TXN2: variants seen among roughly 807,000 people sequenced by gnomAD.
TXN2 encodes the protein thioredoxin, mitochondrial.
TXN2 carries 12 observed loss-of-function variants against 14.6 expected under a neutral mutation model. The observed-to-expected ratio is 0.82, with a 90% CI of 0.53 to 1.33. The LOEUF (loss-of-function observed/expected upper bound fraction) is 1.33, where lower values mean the gene tolerates loss of function less well. Among genes scored for constraint, TXN2 ranks in the 40% most tolerant of loss-of-function variants. TXN2 has a pLI of 0.00. For missense variants in TXN2, 173 were observed against 207.7 expected (o/e 0.83, Z 1.03); for synonymous variants, 89 against 81.0 (o/e 1.10, Z -0.53).
chr22:36,475,116 G>A (rs1231551769), intron 3 of TXN2, among the ~76,000 whole-genome samples: 1 of 152,246 alleles, frequency 6.6e-6, no homozygotes, highest in Admixed American at 6.5e-5. Flanking sequence ...GGTGGCTTAC[G>A]CCTGTAATCC....
rs748661794 is a variant in TXN2, at chr22:36,476,807, C to A, written c.313G>T (p.Ala105Ser). Residue 105 changes from alanine (A) to serine (S), a missense_variant, in exon 3 of 4, where the codon GCC (alanine) becomes TCC (serine). Physicochemically the swap from Ala to Ser is moderately conservative, Grantham distance 99. Coordinates refer to ENST00000216185, the MANE Select transcript of TXN2 (RefSeq NM_012473.4). ...ATCACCACCTTCCCGTGCTGCTTGG[C>A]CACCATCTTCTCTAACCTCGGCCCC... ...ILGPRLEKMV[A>S]KQHGKVVMAK... The A allele has an allele frequency of 6.2e-7, 1 of 1,614,174 alleles. No individual in the cohort carries two copies. Among genetic ancestry groups the A allele is most frequent in the Admixed American group, 1.7e-5 (1 of 60,014 alleles).
At chr22:36,469,041 C>CATAA (rs569570066) in intron 3 of TXN2, among the ~76,000 whole-genome samples, 10,762 of 146,398 alleles carry the variant, frequency 0.074, 421 homozygotes, top group Middle Eastern at 0.12. Flanking sequence ...GACTCCATCT[C>CATAA]ATAAATAAAT....
intron 3 of TXN2, among the ~76,000 whole-genome samples, chr22:36,474,559 T>A (rs1933348710): frequency 6.6e-6 from 1 of 152,000 alleles, no homozygotes; most frequent in Non-Finnish European, 1.5e-5. Context: ...GAGGGAGGGG[T>A]GAAGGCTCAC....
intron 3 of TXN2, among the ~76,000 whole-genome samples, chr22:36,475,135 T>C (rs979094730): frequency 1.3e-5 from 2 of 152,216 alleles, no homozygotes; most frequent in African/African-American, 4.8e-5. Flanking sequence ...CCCAGCACTT[T>C]GGGAGGCCAA....
chr22:36,479,879 T>G (rs1308713886), intron 2 of TXN2, among the ~76,000 whole-genome samples: 2 of 149,734 alleles, frequency 1.3e-5, no homozygotes, highest in Non-Finnish European at 2.9e-5. Flanking sequence ...GTGACACCGA[T>G]AACTTTTTTT....
At chr22:36,471,652 A>G (rs1933277125) in intron 3 of TXN2, among the ~76,000 whole-genome samples, 1 of 152,186 alleles carries the variant, frequency 6.6e-6, no homozygotes, top group Admixed American at 6.5e-5. Context: ...CTGAGGCTCA[A>G]AGGGTGAGCA....
In TXN2 at chr22:36,480,605, T is replaced by G; in HGVS notation, c.233A>C (p.Glu78Ala). ...PDFQDRVVNS[E>A]TPVVVDFHAQ... Reference sequence around the variant, plus strand: ...GTGGAAATCCACAACCACTGGTGTCTCACTGTTGACCACTCGGTCTTGAAA... The same window carrying G: ...GTGGAAATCCACAACCACTGGTGTCGCACTGTTGACCACTCGGTCTTGAAA... The change falls in exon 2 of 4, where the codon GAG becomes GCG. Residue 78 changes from glutamate to alanine, a missense_variant. Physicochemically the swap from Glu to Ala is moderately radical, Grantham distance 107. Coordinates refer to ENST00000216185, the MANE Select transcript of TXN2 (RefSeq NM_012473.4). The G allele has an allele frequency of 6.2e-7, 1 of 1,614,046 alleles. No homozygotes were observed. The highest frequency in any genetic ancestry group is 8.5e-7 in the Non-Finnish European group (1 of 1,180,018).
Position 36,476,723 on chromosome 22 carries a change from C to A in TXN2, c.387+10G>T, listed in dbSNP as rs1186019795. 3 of 1,614,106 alleles carry A rather than the reference C, an allele frequency of 1.9e-6. No homozygotes were observed. Among genetic ancestry groups the A allele is most frequent in the Non-Finnish European group, 2.5e-6 (3 of 1,180,004 alleles). On this transcript the variant is annotated intron_variant, in intron 3 of 3. Transcript: ENST00000216185. ...TGGCTTCCCTGTGGCAACTCCCTGT[C>A]AATCCATACCTCATACTCAATGGCG...
Position 36,480,580 on chromosome 22 carries a change from G to A in TXN2, c.258C>T (p.His86=), listed in dbSNP as rs570428102. 52 of 1,613,314 alleles carry A rather than the reference G, an allele frequency of 3.2e-5. No homozygotes were observed. The African/African-American group carries it at 3.3e-4, about 10-fold the overall frequency. ...TGTGGACCCCCAATACTCACTGTGC[G>A]TGGAAATCCACAACCACTGGTGTCT... is the stretch of plus-strand genomic sequence containing the variant. ...NSETPVVVDF[H]AQWCGPCKIL... is the part of the protein sequence containing the mutation. Residue 86 remains histidine (H), a synonymous_variant, in exon 2 of 4, where the codon CAC becomes CAT. Transcript: ENST00000216185.
chr22:36,474,144 T>C (rs1047876419), intron 3 of TXN2, among the ~76,000 whole-genome samples: 5 of 152,222 alleles, frequency 3.3e-5, no homozygotes, highest in African/African-American at 9.6e-5. Flanking sequence ...AATGGGCAGA[T>C]AGATGCCTCC....
intron 2 of TXN2, among the ~76,000 whole-genome samples, chr22:36,478,918 G>C (rs545527500): frequency 1.1e-4 from 16 of 152,168 alleles, no homozygotes; most frequent in African/African-American, 3.9e-4. Flanking sequence ...AACCACTGCA[G>C]TCCAGCCTGG....
intron 3 of TXN2, among the ~76,000 whole-genome samples, chr22:36,475,640 T>A (rs1933371395): frequency 6.6e-6 from 1 of 152,206 alleles, no homozygotes; most frequent in Non-Finnish European, 1.5e-5. Context: ...ATGCTTCCAA[T>A]ACCAACCAGT....
rs935733800 is a variant in TXN2, at chr22:36,467,602, C to T, written c.*202G>A. On this transcript the variant is annotated 3_prime_UTR_variant, in exon 4 of 4. Transcript: ENST00000216185. Reference sequence around the variant, plus strand: ...GCGTATGGGAGGGAAGACAGCGGTCCCCGGATCAGCAGCAGCACCACCATC... The same window carrying T: ...GCGTATGGGAGGGAAGACAGCGGTCTCCGGATCAGCAGCAGCACCACCATC... 21 of 570,122 alleles carry T rather than the reference C, an allele frequency of 3.7e-5. No individual in the cohort carries two copies. The highest frequency in any genetic ancestry group is 3.6e-4 in the African/African-American group (19 of 53,216). 35.3% of individuals were successfully genotyped at this position (570,122 alleles called of 1,614,324 possible). A position where few individuals can be genotyped will look rare whatever the true frequency, so the allele number is the denominator to read the frequency against.
chr22:36,471,939 C>T (rs1256815993), intron 3 of TXN2, among the ~76,000 whole-genome samples: 2 of 150,812 alleles, frequency 1.3e-5, no homozygotes, highest in African/African-American at 4.9e-5. Flanking sequence ...CACTTCACTC[C>T]ACCTGGGTGA....
intron 3 of TXN2, among the ~76,000 whole-genome samples, chr22:36,470,230 C>T (rs11089790): frequency 0.24 from 36,628 of 152,170 alleles, 7,579 homozygotes; most frequent in African/African-American, 0.57. Context: ...CCACTCCTCA[C>T]GGACACTTTG....
At chr22:36,477,692 G>C (rs750834894) in intron 2 of TXN2, among the ~76,000 whole-genome samples, 1 of 152,152 alleles carries the variant, frequency 6.6e-6, no homozygotes, top group Non-Finnish European at 1.5e-5. Context: ...ACCAGTCCCT[G>C]GCTCACTTTC....
At chr22:36,480,922 A>C in intron 1 of TXN2, 85 bp from the exon 2 acceptor site, 16 of 1,409,378 alleles carry the variant, frequency 1.1e-5, no homozygotes, top group Non-Finnish European at 1.5e-5. Context: ...CTCAGGGCTC[A>C]GGAAGAGGCA....
chr22:36,468,041 C>A, intron 3 of TXN2, 124 bp from the exon 4 acceptor site: 1 of 794,142 alleles, frequency 1.3e-6, no homozygotes, highest in South Asian at 1.5e-5. Context: ...AAGCCATGGG[C>A]AGGCCTAGAG....
chr22:36,480,425 AT>A, intron 2 of TXN2, 149 bp downstream of exon 2: 2 of 911,864 alleles, frequency 2.2e-6, no homozygotes, highest in Non-Finnish European at 3.2e-6. Flanking sequence ...ACCAGACTGC[AT>A]TCCCCTTGAG....
Sources: gnomAD v4.1 joint callset for allele counts (sites outside exome capture counted in the v4.1 genomes callset) on GRCh38, gnomAD v4.1.1 for gene constraint, MANE v1.5 for transcripts, NCBI Gene and HGNC (gene_info 2026-07-23, HGNC 2026-07-21) for gene names.